Variants in TUBGCP6 observed in about 807,000 individuals in gnomAD.
TUBGCP6 encodes the protein gamma-tubulin complex component 6.
In TUBGCP6, 161 loss-of-function variants were observed where a neutral mutation model predicts 175.8. That is an observed-to-expected ratio of 0.92 (90% CI 0.81 to 1.04). TUBGCP6 has a LOEUF of 1.04. Ranked by LOEUF, TUBGCP6 falls within the 50% of genes least tolerant of loss-of-function variation. The probability of loss-of-function intolerance (pLI) is 0.00; values close to 1 mark genes in which losing one functional copy is unlikely to be tolerated. For synonymous variants in TUBGCP6, 1,173 were observed against 1,030.5 expected (o/e 1.14, Z -2.65); for missense variants, 2,572 against 2,433.0 (o/e 1.06, Z -1.20).
rs1367809475 is a variant in TUBGCP6, at chr22:50,221,822, C to T, written c.2537G>A (p.Gly846Glu). The T allele has an allele frequency of 2.6e-6, 4 of 1,511,100 alleles. No individual in the cohort carries two copies. The African/African-American group carries it at 5.6e-5, about 21-fold the overall frequency. The allele number at this position is 1,511,100 out of a possible 1,614,324, so 93.6% of individuals were successfully genotyped here. A position where few individuals can be genotyped will look rare whatever the true frequency, so the allele number is the denominator to read the frequency against. ...GGCAGGCGAGTGTTGCTCTGCAGAC[C>T]CAGAATCACAGCCTTGGCCTCCCTC... ...HPEGGQGCDS[G>E]SAEQHSPAWD... Residue 846 changes from glycine to glutamate, a missense_variant, in exon 16 of 25, where the codon GGG becomes GAG. Transcript: ENST00000248846.
At chr22:50,234,872 C>T (rs2064749142) in intron 2 of TUBGCP6, among the ~76,000 whole-genome samples, 1 of 149,766 alleles carries the variant, frequency 6.7e-6, no homozygotes, top group Admixed American at 6.6e-5. Context: ...ATCACCCACA[C>T]ACACCCATGG....
chr22:50,234,325 CTGT>C (rs2064734905), intron 2 of TUBGCP6, among the ~76,000 whole-genome samples: 1 of 6,136 alleles, frequency 1.6e-4, no homozygotes, highest in Admixed American at 1.4e-3. Context: ...ATCCACACCC[CTGT>C]CCACAGCAGC....
At position 50,221,602 on chromosome 22, in the gene TUBGCP6, C is replaced by T; in HGVS notation, c.2757G>A (p.Glu919=). ...SVQTGMVPLL[E]VALQTINLDL... ...CCAAGTTAATGGTCTGCAGCGCCACCTCCAGGAGAGGGACCATGCCAGTCT... is the reference window on the plus strand; with the variant it reads ...CCAAGTTAATGGTCTGCAGCGCCACTTCCAGGAGAGGGACCATGCCAGTCT... The change falls in exon 16 of 25, where the codon GAG becomes GAA. Residue 919 remains glutamate (E), a synonymous_variant. Transcript: ENST00000248846. 1.3e-6 allele frequency: 2 copies of T among 1,563,754 alleles called. No homozygotes were observed. Among genetic ancestry groups the T allele is most frequent in the East Asian group, 2.3e-5 (1 of 44,398 alleles).
intron 4 of TUBGCP6, among the ~76,000 whole-genome samples, chr22:50,228,581 A>G (rs1329147785): frequency 6.6e-6 from 1 of 152,108 alleles, no homozygotes; most frequent in Non-Finnish European, 1.5e-5. Flanking sequence ...CCGCCTGGCT[A>G]TGCCTGCCAG....
At position 50,219,358 on chromosome 22, in the gene TUBGCP6, C is replaced by T; in HGVS notation, c.4414G>A (p.Val1472Met). ...QVQSAADETAVQLSELLTLPV... is the reference protein window; with the variant it reads ...QVQSAADETAMQLSELLTLPV... ...AGCGTCAGCAACTCGCTCAGCTGCA[C>T]AGCAGTCTCATCAGCGGCAGACTGG... Residue 1472 changes from valine (V) to methionine (M), a missense_variant, in exon 19 of 25, where the codon GTG becomes ATG. By Grantham distance (21) the Val-to-Met change is conservative (BLOSUM62 1). Transcript: ENST00000248846. 6.3e-7 allele frequency: 1 copy of T among 1,590,132 alleles called. No individual in the cohort carries two copies. Among genetic ancestry groups the T allele is most frequent in the South Asian group, 1.1e-5 (1 of 88,006 alleles).
At chr22:50,239,211 C>G (rs537466305) in intron 2 of TUBGCP6, among the ~76,000 whole-genome samples, 39 of 152,202 alleles carry the variant, frequency 2.6e-4, no homozygotes, top group Admixed American at 1.0e-3. Context: ...CAATCTCACT[C>G]TGTCACCCAG....
Position 50,226,747 on chromosome 22 carries a change from G to C in TUBGCP6, c.1587C>G (p.Cys529Trp), listed in dbSNP as rs750623199. 1.9e-6 allele frequency: 3 copies of C among 1,585,458 alleles called. No individual in the cohort carries two copies. Among genetic ancestry groups the C allele is most frequent in the Non-Finnish European group, 1.7e-6 (2 of 1,166,730 alleles). ...PVLLSLLKTSCEPYTRFIHDW... is the reference protein window; with the variant it reads ...PVLLSLLKTSWEPYTRFIHDW... ...CCACTGCCCACCGGGTGTAGGGCTC[G>C]CAGCTGGTCTTCAGCAGGGACAGCA... The change falls in exon 7 of 25, where the codon TGC becomes TGG. Residue 529 changes from cysteine (C) to tryptophan (W), a missense_variant. By Grantham distance (215) the Cys-to-Trp change is radical. Coordinates refer to ENST00000248846, the MANE Select transcript of TUBGCP6 (RefSeq NM_020461.4).
Position 50,233,410 on chromosome 22 carries a change from G to A in TUBGCP6, c.1022C>T (p.Ala341Val), listed in dbSNP as rs1159522091. 6.2e-7 allele frequency: 1 copy of A among 1,613,966 alleles called. No individual in the cohort carries two copies. Among genetic ancestry groups the A allele is most frequent in the African/African-American group, 1.3e-5 (1 of 75,040 alleles). The change falls in exon 3 of 25, where the codon GCC (alanine) becomes GTC (valine). Residue 341 changes from alanine to valine, a missense_variant. By Grantham distance (64) the Ala-to-Val change is moderately conservative. Transcript: ENST00000248846. Reference sequence around the variant, plus strand: ...CTCCTTCACCAGCACGGGCTGCGGGGCCTGTAGGACGCCCCCAGCAAGCAG... The same window carrying A: ...CTCCTTCACCAGCACGGGCTGCGGGACCTGTAGGACGCCCCCAGCAAGCAG... ...LQLLAGGVLQ[A>V]PQPVLVKECE...
chr22:50,243,401 C>G (rs1162854080), intron 1 of TUBGCP6, among the ~76,000 whole-genome samples: 1 of 149,660 alleles, frequency 6.7e-6, no homozygotes, highest in Non-Finnish European at 1.5e-5. Flanking sequence ...TACAGTGAGC[C>G]GAGATCGCGC....
chr22:50,223,955 C>A, intron 13 of TUBGCP6, 186 bp downstream of exon 13: 1 of 607,932 alleles, frequency 1.6e-6, no homozygotes, highest in East Asian at 2.8e-5. Flanking sequence ...ACGCGCAGAA[C>A]AGCTAAGGAT....
At chr22:50,222,708 C>A in intron 13 of TUBGCP6, 116 bp from the exon 14 acceptor site, 1 of 1,437,470 alleles carries the variant, frequency 7.0e-7, no homozygotes, top group Non-Finnish European at 9.4e-7. Context: ...CCCCCGCCCC[C>A]GTCTCCCCCT....
intron 1 of TUBGCP6, 25 bp from the exon 2 acceptor site, chr22:50,240,392 C>T (rs200820581): frequency 1.1e-5 from 18 of 1,613,250 alleles, no homozygotes; most frequent in African/African-American, 9.3e-5. Flanking sequence ...AAGGGCAAAC[C>T]GCCACTTATT....
At position 50,243,911 on chromosome 22, in the gene TUBGCP6, C is replaced by T. The variant is rs1466272446; in HGVS notation, c.549G>A (p.Glu183=). Residue 183 remains glutamate (E), a synonymous_variant, in exon 1 of 25, where the codon GAG becomes GAA. Transcript: ENST00000248846. ...TGGGCAGGCCAGTGCCTGGAGCAGC[C>T]TCCATAACCTGAAGTGTTTCCTGGA... The part of the protein sequence containing the change: ...SMIQETLQVM[E]AAPGTGLPTV... 4.3e-6 allele frequency: 7 copies of T among 1,613,950 alleles called. No homozygotes were observed. The highest frequency in any genetic ancestry group is 5.9e-6 in the Non-Finnish European group (7 of 1,180,042).
rs753289059 is a variant in TUBGCP6, at chr22:50,218,187, A to G, written c.5168+2T>C. ...GGGACGCAGCCGCTGCCCAGGCCTC[A>G]CCTGAAGACGGCCTTGTGCAGGTAC... is the stretch of plus-strand genomic sequence containing the variant. On this transcript the variant is annotated splice_donor_variant, in intron 23 of 24. Transcript: ENST00000248846. LOFTEE classifies it high-confidence loss of function. 9.3e-6 allele frequency: 15 copies of G among 1,611,358 alleles called. No homozygotes were observed. In the African/African-American group the frequency reaches 1.7e-4, roughly 19 times the overall value.
At position 50,219,042 on chromosome 22, in the gene TUBGCP6, G is replaced by A. The variant is rs750660343; in HGVS notation, c.4626+26C>T. Reference sequence around the variant, plus strand: ...TTCCCACGGCCTCCCCTCTACCACTGGCCCCACCCCGTGTCCGGAGGCCAC... The same window carrying A: ...TTCCCACGGCCTCCCCTCTACCACTAGCCCCACCCCGTGTCCGGAGGCCAC... On this transcript the variant is annotated intron_variant, in intron 20 of 24. Coordinates refer to ENST00000248846, the MANE Select transcript of TUBGCP6 (RefSeq NM_020461.4). 19 of 1,610,584 alleles carry A rather than the reference G, an allele frequency of 1.2e-5. No individual in the cohort carries two copies. In the South Asian group the frequency reaches 1.8e-4, roughly 15 times the overall value.
rs779813098 is a variant in TUBGCP6, at chr22:50,221,803, C to G, written c.2556G>C (p.Ser852=). ...GCDSGSAEQH[S]PAWDGWNRPG... is the part of the protein sequence containing the mutation. Reference sequence around the variant, plus strand: ...GCCTGTTCCAGCCATCCCAGGCAGGCGAGTGTTGCTCTGCAGACCCAGAAT... The same window carrying G: ...GCCTGTTCCAGCCATCCCAGGCAGGGGAGTGTTGCTCTGCAGACCCAGAAT... Residue 852 remains serine, a synonymous_variant, in exon 16 of 25, where the codon TCG becomes TCC. Coordinates refer to ENST00000248846, the MANE Select transcript of TUBGCP6 (RefSeq NM_020461.4). 2.1e-5 allele frequency: 31 copies of G among 1,511,242 alleles called. No homozygotes were observed. Among genetic ancestry groups the G allele is most frequent in the African/African-American group, 2.8e-5 (2 of 71,586 alleles). 93.6% of individuals were successfully genotyped at this position (1,511,242 alleles called of 1,614,324 possible). A position where few individuals can be genotyped will look rare whatever the true frequency, so the allele number is the denominator to read the frequency against.
chr22:50,229,678 G>C, intron 3 of TUBGCP6, 101 bp from the exon 4 acceptor site: 2 of 1,302,794 alleles, frequency 1.5e-6, no homozygotes, highest in East Asian at 2.5e-5. Context: ...ACGCCACCTA[G>C]AGTGCCTCCA....
At chr22:50,233,167 G>T in intron 3 of TUBGCP6, 149 bp downstream of exon 3, 1 of 784,188 alleles carries the variant, frequency 1.3e-6, no homozygotes, top group Non-Finnish European at 2.0e-6. Context: ...GATGCTGGCT[G>T]TCATCACTGG....
At position 50,228,880 on chromosome 22, in the gene TUBGCP6, A is replaced by G. The variant is rs553652041; in HGVS notation, c.1290+524T>C. Reference sequence around the variant, plus strand: ...CCAACACCCTCCTCTCAATCCCCCAAACCCAAATGCCCCATCATCCACCTG... The same window carrying G: ...CCAACACCCTCCTCTCAATCCCCCAGACCCAAATGCCCCATCATCCACCTG... On this transcript the variant is annotated intron_variant, in intron 4 of 24. Transcript: ENST00000248846. Among the ~76,000 whole-genome samples, 17 of 151,780 alleles carry G rather than the reference A, an allele frequency of 1.1e-4. No homozygotes were observed. The South Asian group carries it at 3.1e-3, about 28-fold the overall frequency.
Sources: allele counts gnomAD v4.1 joint callset (sites outside exome capture counted in the v4.1 genomes callset), GRCh38; gene constraint gnomAD v4.1.1; transcripts MANE v1.5; gene names NCBI Gene and HGNC (gene_info 2026-07-23, HGNC 2026-07-21).